HSD17B2: variants seen among roughly 807,000 people sequenced by gnomAD.
HSD17B2 encodes the protein hydroxysteroid 17-beta dehydrogenase 2.
A neutral mutation model predicts 26.9 loss-of-function variants in HSD17B2; 32 were observed. The observed-to-expected ratio is 1.19, with a 90% CI of 0.90 to 1.60. The LOEUF (loss-of-function observed/expected upper bound fraction) is 1.60. HSD17B2 is among the 40% of genes most tolerant of loss of function. The pLI, the probability that HSD17B2 is intolerant of heterozygous loss-of-function variation, is 0.00. For missense variants in HSD17B2, 613 were observed against 468.6 expected (o/e 1.31, Z -2.85); for synonymous variants, 246 against 186.7 (o/e 1.32, Z -2.59).
In HSD17B2 at chr16:82,098,147, A is replaced by G. The variant is rs765675205; in HGVS notation, c.875A>G (p.Gln292Arg). Residue 292 changes from glutamine (Q) to arginine (R), a missense_variant, in exon 5 of 5, where the codon CAG becomes CGG. Transcript: ENST00000199936. ...CTGGACCACCTCCCCGCTGAGGTAC[A>G]GGAAGACTACGGCCAGGACTACATC... ...DILDHLPAEVQEDYGQDYILA... is the reference protein window; with the variant it reads ...DILDHLPAEVREDYGQDYILA... The G allele has an allele frequency of 4.3e-6, 7 of 1,614,016 alleles. No individual in the cohort carries two copies. Among genetic ancestry groups the G allele is most frequent in the Non-Finnish European group, 5.1e-6 (6 of 1,180,008 alleles).
At chr16:82,085,564 C>T (rs1255850722) in intron 3 of HSD17B2, among the ~76,000 whole-genome samples, 3 of 151,310 alleles carry the variant, frequency 2.0e-5, no homozygotes, top group Non-Finnish European at 4.4e-5. Flanking sequence ...ACATGTCAGA[C>T]AAGGAGGGGC....
At chr16:82,085,477 A>G (rs146004580) in intron 3 of HSD17B2, among the ~76,000 whole-genome samples, 2 of 152,310 alleles carry the variant, frequency 1.3e-5, no homozygotes, top group African/African-American at 4.8e-5. Context: ...GGTAAGTGAT[A>G]AAGTCAGGAT....
chr16:82,086,039 G>T (rs758238607), intron 3 of HSD17B2, among the ~76,000 whole-genome samples: 1 of 152,078 alleles, frequency 6.6e-6, no homozygotes, highest in Non-Finnish European at 1.5e-5. Flanking sequence ...AATATAAAAT[G>T]GTTCAGCAGA....
At chr16:82,073,046 G>C (rs898658140) in intron 3 of HSD17B2, among the ~76,000 whole-genome samples, 1 of 152,106 alleles carries the variant, frequency 6.6e-6, no homozygotes, top group Non-Finnish European at 1.5e-5. Context: ...GGGTGAGAGA[G>C]TGAGACGCTC....
At position 82,045,121 on chromosome 16, in the gene HSD17B2, CAAAAAAAAA is replaced by C. The variant is rs10565056; in HGVS notation, c.265+9446_265+9454del. On this transcript the variant is annotated intron_variant, in intron 1 of 4. Coordinates refer to ENST00000199936, the MANE Select transcript of HSD17B2 (RefSeq NM_002153.3). ...TTGGGTGACAGAGTAAAACTCTGTC[CAAAAAAAAA>C]AAAAAAAAAAAAAGAGAGAAAAAAG... Among the ~76,000 whole-genome samples the C allele has an allele frequency of 1.4e-4, 6 of 42,798 alleles. No individual in the cohort carries two copies. The South Asian group carries it at 3.9e-3, about 28-fold the overall frequency. 28.1% of individuals were successfully genotyped at this position (42,798 alleles called of 152,430 possible).
In HSD17B2 at chr16:82,035,331, C is replaced by A; in HGVS notation, c.-94C>A. On this transcript the variant is annotated 5_prime_UTR_variant, in exon 1 of 5. Coordinates refer to ENST00000199936, the MANE Select transcript of HSD17B2 (RefSeq NM_002153.3). ...GCTGCTTTCTCCCCTCCCTTCTTGA[C>A]TCTCTGTTCACAGAACTCAGGCTGC... 8.1e-7 allele frequency: 1 copy of A among 1,234,006 alleles called. No homozygotes were observed. Among genetic ancestry groups the A allele is most frequent in the Non-Finnish European group, 1.1e-6 (1 of 874,382 alleles). The allele number at this position is 1,234,006 out of a possible 1,614,324, so 76.4% of individuals were successfully genotyped here. A position where few individuals can be genotyped will look rare whatever the true frequency, so the allele number is the denominator to read the frequency against.
chr16:82,036,295 G>T (rs1372571709), intron 1 of HSD17B2, among the ~76,000 whole-genome samples: 1 of 150,016 alleles, frequency 6.7e-6, no homozygotes, highest in African/African-American at 2.5e-5. Context: ...TTGCCTGTTA[G>T]CTGAGCTGCC....
At chr16:82,047,197 C>A (rs1440819050) in intron 1 of HSD17B2, among the ~76,000 whole-genome samples, 2 of 152,220 alleles carry the variant, frequency 1.3e-5, no homozygotes. Context: ...GTGCTCTGTG[C>A]TCATGAAGCT....
Position 82,068,165 on chromosome 16 carries a change from T to C in HSD17B2, c.266-5T>C, listed in dbSNP as rs1423469739. The C allele has an allele frequency of 6.2e-7, 1 of 1,613,830 alleles. No homozygotes were observed. The highest frequency in any genetic ancestry group is 1.3e-5 in the African/African-American group (1 of 74,930). ...CTCACTCCCTACTCCCCTGACCCTA[T>C]GCAGGTGGTGATTGCGGGCTTGGCC... On this transcript the variant is annotated splice_region_variant and splice_polypyrimidine_tract_variant and intron_variant, in intron 1 of 4. Transcript: ENST00000199936.
At chr16:82,083,795 T>G (rs1160568367) in intron 3 of HSD17B2, among the ~76,000 whole-genome samples, 1 of 152,160 alleles carries the variant, frequency 6.6e-6, no homozygotes, top group African/African-American at 2.4e-5. Context: ...TGACCATGTC[T>G]ACTACAGGAG....
At chr16:82,064,485 G>T (rs1170170733) in intron 1 of HSD17B2, among the ~76,000 whole-genome samples, 1 of 152,100 alleles carries the variant, frequency 6.6e-6, no homozygotes, top group African/African-American at 2.4e-5. Flanking sequence ...ACAGGTTTTT[G>T]TGTAAATATA....
At chr16:82,049,337 C>T (rs1276535736) in intron 1 of HSD17B2, among the ~76,000 whole-genome samples, 3 of 152,166 alleles carry the variant, frequency 2.0e-5, no homozygotes, top group Non-Finnish European at 4.4e-5. Flanking sequence ...ATTTACCTGA[C>T]CTCAAATGTC....
intron 3 of HSD17B2, among the ~76,000 whole-genome samples, chr16:82,087,344 GGACA>G (rs2142363994): frequency 1.3e-5 from 2 of 152,274 alleles, no homozygotes; most frequent in Non-Finnish European, 2.9e-5. Context: ...GGCTGTAACT[GGACA>G]GACAATGAAG....
At position 82,068,257 on chromosome 16, in the gene HSD17B2, G is replaced by C; in HGVS notation, c.353G>C (p.Gly118Ala). The change falls in exon 2 of 5, where the codon GGC (glycine) becomes GCC (alanine). Residue 118 changes from glycine (G) to alanine (A), a missense_variant. Physicochemically the swap from Gly to Ala is moderately conservative, Grantham distance 60. Transcript: ENST00000199936. ...TTTGCCGGAGTTTTGAATGAAAATGGCCCAGGAGCTGAGGAATTGCGAAGA... is the reference window on the plus strand; with the variant it reads ...TTTGCCGGAGTTTTGAATGAAAATGCCCCAGGAGCTGAGGAATTGCGAAGA... ...TVFAGVLNEN[G>A]PGAEELRRTC... 2 of 1,614,020 alleles carry C rather than the reference G, an allele frequency of 1.2e-6. No individual in the cohort carries two copies. Among genetic ancestry groups the C allele is most frequent in the Non-Finnish European group, 1.7e-6 (2 of 1,180,018 alleles).
intron 3 of HSD17B2, among the ~76,000 whole-genome samples, chr16:82,080,196 C>T (rs1904341826): frequency 6.6e-6 from 1 of 152,168 alleles, no homozygotes; most frequent in African/African-American, 2.4e-5. Context: ...GAGTAGGCAG[C>T]TGGTCTGGGA....
chr16:82,081,731 A>T (rs1390924025), intron 3 of HSD17B2, among the ~76,000 whole-genome samples: 1 of 152,202 alleles, frequency 6.6e-6, no homozygotes, highest in Non-Finnish European at 1.5e-5. Flanking sequence ...ATTAATGGAC[A>T]CTGCCCCGCA....
intron 3 of HSD17B2, among the ~76,000 whole-genome samples, chr16:82,072,278 G>A (rs998323158): frequency 2.0e-5 from 3 of 152,170 alleles, no homozygotes; most frequent in Non-Finnish European, 4.4e-5. Flanking sequence ...GGAGCAATGA[G>A]TATTATATTT....
chr16:82,091,120 T>A (rs770858482), intron 4 of HSD17B2, 81 bp downstream of exon 4: 1 of 1,319,814 alleles, frequency 7.6e-7, no homozygotes, highest in Non-Finnish European at 1.1e-6. Flanking sequence ...AGAGCACACA[T>A]TGAACCCCTC....
At chr16:82,064,154 G>A (rs115387314) in intron 1 of HSD17B2, among the ~76,000 whole-genome samples, 6 of 152,196 alleles carry the variant, frequency 3.9e-5, no homozygotes, top group Non-Finnish European at 7.3e-5. Context: ...AAGAGAGTCA[G>A]ATCCTAGGCT....
Sources: allele counts gnomAD v4.1 joint callset (sites outside exome capture counted in the v4.1 genomes callset), GRCh38; gene constraint gnomAD v4.1.1; transcripts MANE v1.5; gene names NCBI Gene and HGNC (gene_info 2026-07-23, HGNC 2026-07-21).